The following CPSF4 variants were observed in gnomAD, a reference collection of about 807,000 sequenced individuals.
CPSF4 encodes cleavage and polyadenylation specificity factor subunit 4.
A neutral mutation model predicts 37.7 loss-of-function variants in CPSF4; 11 were observed. That is an observed-to-expected ratio of 0.29 (90% CI 0.18 to 0.48). The LOEUF is 0.48. Ranked by LOEUF, CPSF4 falls within the 20% of genes least tolerant of loss-of-function variation. The probability of loss-of-function intolerance (pLI) is 0.99; values close to 1 mark genes in which losing one functional copy is unlikely to be tolerated. For synonymous variants in CPSF4, 132 were observed against 135.9 expected (o/e 0.97, Z 0.20); for missense variants, 144 against 359.5 (o/e 0.40, Z 4.85).
intron 5 of CPSF4, 123 bp downstream of exon 5, chr7:99,450,918 G>T (rs1797887089): frequency 4.4e-6 from 3 of 679,200 alleles, no homozygotes; most frequent in East Asian, 5.3e-5. Flanking sequence ...GGCCAAGGGT[G>T]GGGGCAGGAG....
intron 1 of CPSF4, among the ~76,000 whole-genome samples, chr7:99,440,602 T>C (rs1796822157): frequency 6.8e-6 from 1 of 147,240 alleles, no homozygotes; most frequent in Non-Finnish European, 1.5e-5. Flanking sequence ...AGTGATCCTT[T>C]TACCTCGGCC....
At chr7:99,455,987 C>T (rs1798279002) in intron 7 of CPSF4, among the ~76,000 whole-genome samples, 1 of 152,226 alleles carries the variant, frequency 6.6e-6, no homozygotes, top group African/African-American at 2.4e-5. Context: ...GCCAGGGAAC[C>T]CCAGACCTTG....
At position 99,440,670 on chromosome 7, in the gene CPSF4, ATATATTTTT is replaced by A. The variant is rs1458093792; in HGVS notation, c.103+1487_103+1495del. Among the ~76,000 whole-genome samples, 7 of 82,706 alleles carry A rather than the reference ATATATTTTT, an allele frequency of 8.5e-5. No individual in the cohort carries two copies. The African/African-American group carries it at 8.7e-4, about 10-fold the overall frequency. The allele number at this position is 82,706 out of a possible 152,430, so 54.3% of individuals were successfully genotyped here. On this transcript the variant is annotated intron_variant, in intron 1 of 7. Transcript: ENST00000292476. ...CTGCACCTGGCATATATATATATAT[ATATATTTTT>A]TTTTTTTTTTTTTTCCTGCCTGTCC... is the stretch of plus-strand genomic sequence containing the variant.
At chr7:99,440,179 A>T (rs1246586578) in intron 1 of CPSF4, among the ~76,000 whole-genome samples, 1 of 152,148 alleles carries the variant, frequency 6.6e-6, no homozygotes, top group Non-Finnish European at 1.5e-5. Context: ...GGACTTGCTG[A>T]CAATCACTCA....
chr7:99,456,800 G>C lies in CPSF4; in HGVS notation c.*300G>C. On this transcript the variant is annotated 3_prime_UTR_variant, in exon 8 of 8. Coordinates refer to ENST00000292476, the MANE Select transcript of CPSF4 (RefSeq NM_006693.4). The stretch of plus-strand genomic sequence containing the variant: ...ATCCAGGGAGGGAGGCAGCTGCTGG[G>C]GAGGGGCTTGGCTAGGTAGTTCTGT... 1 of 482,380 alleles carries C rather than the reference G, an allele frequency of 2.1e-6. No individual in the cohort carries two copies. 29.9% of individuals were successfully genotyped at this position (482,380 alleles called of 1,614,324 possible).
rs982401501 is a variant in CPSF4 at position 99,457,331 on chromosome 7, G to C, written c.*831G>C. 3.3e-5 allele frequency: 5 copies of C among 152,732 alleles called. No homozygotes were observed. The highest frequency in any genetic ancestry group is 5.9e-5 in the Non-Finnish European group (4 of 68,120). The allele number at this position is 152,732 out of a possible 1,614,324, so 9.5% of individuals were successfully genotyped here. Reference sequence around the variant, plus strand: ...CATGTGGGCCTGGCTGTGTTCAATTGCAAGAACAATTTTTATGAAATGGAT... The same window carrying C: ...CATGTGGGCCTGGCTGTGTTCAATTCCAAGAACAATTTTTATGAAATGGAT... On this transcript the variant is annotated 3_prime_UTR_variant, in exon 8 of 8. Transcript: ENST00000292476.
chr7:99,444,888 C>CT (rs773406962), intron 2 of CPSF4, 49 bp downstream of exon 2: 2 of 1,537,412 alleles, frequency 1.3e-6, no homozygotes, highest in Non-Finnish European at 9.0e-7. Context: ...GCCCTCCCAC[C>CT]TCCTTCTCCC....
rs1198213391 is a variant in CPSF4 at position 99,453,036 on chromosome 7, A to C, written c.570+596A>C. On this transcript the variant is annotated intron_variant, in intron 6 of 7. Coordinates refer to ENST00000292476, the MANE Select transcript of CPSF4 (RefSeq NM_006693.4). This position sits in a 1 kb window ranked among gnomAD's most constrained non-coding sequence, Gnocchi z 4.7. Reference sequence around the variant, plus strand: ...GGTCCGTCCCCTCAAGCACAAGGAGAGGGGGAAATGCTGTAGACACATGGG... The same window carrying C: ...GGTCCGTCCCCTCAAGCACAAGGAGCGGGGGAAATGCTGTAGACACATGGG... 1 of 152,366 alleles carries C rather than the reference A, an allele frequency of 6.6e-6. No individual in the cohort carries two copies. Among genetic ancestry groups the C allele is most frequent in the African/African-American group, 2.4e-5 (1 of 41,412 alleles). The allele number at this position is 152,366 out of a possible 1,614,324, so 9.4% of individuals were successfully genotyped here. A position where few individuals can be genotyped will look rare whatever the true frequency, so the allele number is the denominator to read the frequency against.
At chr7:99,440,655 CAT>C (rs1228721219) in intron 1 of CPSF4, among the ~76,000 whole-genome samples, 20 of 90,594 alleles carry the variant, frequency 2.2e-4, no homozygotes, top group Middle Eastern at 5.0e-3. Context: ...CTGCACCTGG[CAT>C]ATATATATAT....
Position 99,453,845 on chromosome 7 carries a change from C to T in CPSF4, c.571-121C>T, listed in dbSNP as rs1377217126. ...TGCCCACTGTCCTGAGGTGGGCCGT[C>T]GTGGAAGCCCTGCTTCCTGCCGTTT... is the stretch of plus-strand genomic sequence containing the variant. On this transcript the variant is annotated intron_variant, in intron 6 of 7. Coordinates refer to ENST00000292476, the MANE Select transcript of CPSF4 (RefSeq NM_006693.4). The surrounding 1 kb of genome is among the most constrained non-coding windows in gnomAD (Gnocchi z 4.7). 9 of 890,970 alleles carry T rather than the reference C, an allele frequency of 1.0e-5. No individual in the cohort carries two copies. Among genetic ancestry groups the T allele is most frequent in the Admixed American group, 6.6e-5 (3 of 45,782 alleles). 55.2% of individuals were successfully genotyped at this position (890,970 alleles called of 1,614,324 possible).
At chr7:99,447,751 G>A (rs575096837) in intron 2 of CPSF4, 227 of 433,736 alleles carry the variant, frequency 5.2e-4, no homozygotes, top group South Asian at 8.7e-4. Context: ...CACCATGCGC[G>A]GCTAATTTTT....
intron 2 of CPSF4, among the ~76,000 whole-genome samples, chr7:99,447,259 CTTTT>C (rs886779022): frequency 3.8e-5 from 4 of 105,204 alleles, no homozygotes; most frequent in Non-Finnish European, 3.5e-5. Flanking sequence ...AAGTTCCTTT[CTTTT>C]TTTTTTTCTT....
At chr7:99,454,679 A>C (rs1798181246) in intron 7 of CPSF4, among the ~76,000 whole-genome samples, 1 of 152,192 alleles carries the variant, frequency 6.6e-6, no homozygotes. Context: ...GTTTGACGTT[A>C]TTAATGGGCC....
At chr7:99,439,407 T>A (rs1796677656) in intron 1 of CPSF4, 1 of 479,286 alleles carries the variant, frequency 2.1e-6, no homozygotes, top group Admixed American at 4.1e-5. Flanking sequence ...CCGAACTCCC[T>A]CATCTGTGGT....
chr7:99,440,668 ATATATATTT>A lies in CPSF4; in HGVS notation c.103+1485_103+1493del, dbSNP rs1329847160. ...CACTGCACCTGGCATATATATATAT[ATATATATTT>A]TTTTTTTTTTTTTTTTCCTGCCTGT... is the stretch of plus-strand genomic sequence containing the variant. On this transcript the variant is annotated intron_variant, in intron 1 of 7. Transcript: ENST00000292476. 1.2e-3 allele frequency among the ~76,000 whole-genome samples: 105 copies of A among 84,788 alleles called. 4 individuals are homozygous for A. Among genetic ancestry groups the A allele is most frequent in the African/African-American group, 0.011 (102 of 9,540 alleles). The allele number at this position is 84,788 out of a possible 152,430, so 55.6% of individuals were successfully genotyped here. A position where few individuals can be genotyped will look rare whatever the true frequency, so the allele number is the denominator to read the frequency against.
rs45612731 is a variant in CPSF4, at chr7:99,450,190, A to G, written c.308-86A>G. ...TCAGGGCTCGTCAGGCCAAAACTGG[A>G]CACCAGAACCTCTTTTCCTTGGATG... is the stretch of plus-strand genomic sequence containing the variant. On this transcript the variant is annotated intron_variant, in intron 3 of 7. Coordinates refer to ENST00000292476, the MANE Select transcript of CPSF4 (RefSeq NM_006693.4). 1,053 of 1,013,800 alleles carry G rather than the reference A, an allele frequency of 1.0e-3. 5 individuals carry two copies. The African/African-American group carries it at 0.015, about 14-fold the overall frequency. 62.8% of individuals were successfully genotyped at this position (1,013,800 alleles called of 1,614,324 possible).
chr7:99,455,953 T>G (rs1282157122), intron 7 of CPSF4, among the ~76,000 whole-genome samples: 1 of 152,252 alleles, frequency 6.6e-6, no homozygotes, highest in Admixed American at 6.5e-5. Context: ...GGGACACTTC[T>G]GATGCTGTTC....
At chr7:99,443,306 GT>G (rs1797187655) in intron 1 of CPSF4, 2 of 859,028 alleles carry the variant, frequency 2.3e-6, no homozygotes, top group Admixed American at 1.8e-5. Flanking sequence ...TTGACAAGGG[GT>G]TTTTTTCTTC....
At chr7:99,452,059 C>T (rs45529834) in intron 5 of CPSF4, among the ~76,000 whole-genome samples, 6,601 of 152,222 alleles carry the variant, frequency 0.043, 424 homozygotes, top group African/African-American at 0.14. Context: ...GCAGCAGGCA[C>T]GCACCAGCAC....
Sources: gnomAD v4.1 joint callset for allele counts (sites outside exome capture counted in the v4.1 genomes callset) on GRCh38, gnomAD v4.1.1 for gene constraint, Gnocchi (gnomAD v3.1) non-coding constraint, MANE v1.5 for transcripts, NCBI Gene and HGNC (gene_info 2026-07-23, HGNC 2026-07-21) for gene names.